CARD14: variants seen among roughly 807,000 people sequenced by gnomAD.
CARD14 encodes caspase recruitment domain family member 14, also known as caspase recruitment domain-containing protein 14.
A neutral mutation model predicts 111.5 loss-of-function variants in CARD14; 107 were observed. That is an observed-to-expected ratio of 0.96 (90% CI 0.82 to 1.13). The LOEUF is 1.13. CARD14 is among the 50% of genes most tolerant of loss of function. CARD14 has a pLI of 0.00. For missense variants in CARD14, 1,322 were observed against 1,362.3 expected (o/e 0.97, Z 0.47); for synonymous variants, 617 against 579.6 (o/e 1.06, Z -0.93).
intron 7 of CARD14, among the ~76,000 whole-genome samples, chr17:80,186,590 C>T (rs2144214297): frequency 6.6e-6 from 1 of 152,170 alleles, no homozygotes; most frequent in African/African-American, 2.4e-5. Context: ...CACTCGCTTC[C>T]CAAGCTGGAG....
At position 80,208,507 on chromosome 17, in the gene CARD14, G is replaced by C. The variant is rs1449730700; in HGVS notation, c.*162G>C. On this transcript the variant is annotated 3_prime_UTR_variant, in exon 24 of 24. Coordinates refer to ENST00000648509, the MANE Select transcript of CARD14 (RefSeq NM_001366385.1). Reference sequence around the variant, plus strand: ...TAACCTTGAACCCTCACCACGTGCAGGTCACACACAGTGAAGCCACTTGTA... The same window carrying C: ...TAACCTTGAACCCTCACCACGTGCACGTCACACACAGTGAAGCCACTTGTA... 1 of 599,394 alleles carries C rather than the reference G, an allele frequency of 1.7e-6. No individual in the cohort carries two copies. The highest frequency in any genetic ancestry group is 2.8e-6 in the Non-Finnish European group (1 of 352,576). 37.1% of individuals were successfully genotyped at this position (599,394 alleles called of 1,614,324 possible).
At chr17:80,172,642 C>G (rs983991357) in intron 1 of CARD14, among the ~76,000 whole-genome samples, 3 of 152,088 alleles carry the variant, frequency 2.0e-5, no homozygotes, top group Non-Finnish European at 2.9e-5. Context: ...CATGATGCCC[C>G]CTAAACCGAG....
At chr17:80,178,437 C>G (rs538591560) in intron 2 of CARD14, 71 bp from the exon 3 acceptor site, 1 of 152,184 alleles carries the variant, frequency 6.6e-6, no homozygotes, top group Admixed American at 6.5e-5. Context: ...TGTGACCGAA[C>G]CTTGAGTTTT....
chr17:80,178,628 T>G lies in CARD14; in HGVS notation c.-246T>G, dbSNP rs2040080860. 1 of 152,304 alleles carries G rather than the reference T, an allele frequency of 6.6e-6. No individual in the cohort carries two copies. The highest frequency in any genetic ancestry group is 1.5e-5 in the Non-Finnish European group (1 of 68,120). 9.4% of individuals were successfully genotyped at this position (152,304 alleles called of 1,614,324 possible). On this transcript the variant is annotated 5_prime_UTR_variant, in exon 3 of 24. Transcript: ENST00000648509. Reference sequence around the variant, plus strand: ...TGGACCCCACCCTGCTGCACGGAGCTCCTGCAAAAGCAAACCTGAGAACCT... The same window carrying G: ...TGGACCCCACCCTGCTGCACGGAGCGCCTGCAAAAGCAAACCTGAGAACCT...
At chr17:80,204,945 A>C in intron 20 of CARD14, 90 bp from the exon 21 acceptor site, 24 of 1,149,096 alleles carry the variant, frequency 2.1e-5, no homozygotes, top group Non-Finnish European at 2.2e-5. Flanking sequence ...TGCTGCAGTG[A>C]GCAAAGCAGA....
chr17:80,205,454 C>T (rs1379267435), intron 21 of CARD14, 77 bp from the exon 22 acceptor site: 25 of 1,535,940 alleles, frequency 1.6e-5, no homozygotes, highest in Non-Finnish European at 2.2e-5. Flanking sequence ...TTCACGGGGA[C>T]AGGGGTGTTT....
intron 9 of CARD14, among the ~76,000 whole-genome samples, 158 bp from the exon 10 acceptor site, chr17:80,190,612 CAAAA>C (rs368094768): frequency 1.5e-5 from 2 of 134,486 alleles, no homozygotes; most frequent in African/African-American, 2.8e-5. Context: ...GTCTCTGTCT[CAAAA>C]AAAAAAAAAA....
At chr17:80,206,385 G>A (rs944046398) in intron 22 of CARD14, among the ~76,000 whole-genome samples, 24 of 152,258 alleles carry the variant, frequency 1.6e-4, no homozygotes, top group African/African-American at 5.1e-4. Flanking sequence ...AGGCCTAGGC[G>A]GGAAGATTGC....
chr17:80,189,279 G>T lies in CARD14; in HGVS notation c.844-474G>T, dbSNP rs1459440220. The stretch of plus-strand genomic sequence containing the variant: ...AGCAGTGAGTGAGCAACGACCCTTG[G>T]CGTCTCCTCCTCGGCCCCTCTCAGT... On this transcript the variant is annotated intron_variant, in intron 8 of 23. Coordinates refer to ENST00000648509, the MANE Select transcript of CARD14 (RefSeq NM_001366385.1). This position sits in a 1 kb window ranked among gnomAD's most constrained non-coding sequence, Gnocchi z 4.7. Among the ~76,000 whole-genome samples, 9 of 152,288 alleles carry T rather than the reference G, an allele frequency of 5.9e-5. No homozygotes were observed. Among genetic ancestry groups the T allele is most frequent in the East Asian group, 3.9e-4 (2 of 5,178 alleles).
In CARD14 at chr17:80,205,625, C is replaced by T; in HGVS notation, c.2664C>T (p.Arg888=). ...EVSGGRCWVT[R]HAVESLMEKN... is the part of the protein sequence containing the mutation. ...CCGGGGGCCGCTGCTGGGTGACCCG[C>T]CATGCTGTGGAGTCCCTCATGGAAA... The change falls in exon 22 of 24, where the codon CGC becomes CGT. Residue 888 remains arginine (R), a synonymous_variant. Transcript: ENST00000648509. 1 of 1,567,958 alleles carries T rather than the reference C, an allele frequency of 6.4e-7. No homozygotes were observed. Among genetic ancestry groups the T allele is most frequent in the Non-Finnish European group, 8.7e-7 (1 of 1,155,922 alleles).
At chr17:80,175,282 A>G (rs1262618776) in intron 2 of CARD14, among the ~76,000 whole-genome samples, 1 of 151,906 alleles carries the variant, frequency 6.6e-6, no homozygotes, top group African/African-American at 2.4e-5. Flanking sequence ...CCGGCCTGCT[A>G]TTTTTCAGTT....
In CARD14 at chr17:80,195,151, C is replaced by T. The variant is rs1207815360; in HGVS notation, c.1357-40C>T. 1 of 1,563,600 alleles carries T rather than the reference C, an allele frequency of 6.4e-7. No individual in the cohort carries two copies. On this transcript the variant is annotated intron_variant, in intron 12 of 23. Coordinates refer to ENST00000648509, the MANE Select transcript of CARD14 (RefSeq NM_001366385.1). This position sits in a 1 kb window ranked among gnomAD's most constrained non-coding sequence, Gnocchi z 4.7. ...AGCAAGGGAGGAGTCTCAGGGTGTC[C>T]TCGTGCGTGCCCCACTGACTTCTGC...
intron 21 of CARD14, 127 bp downstream of exon 21, chr17:80,205,332 CCTG>C: frequency 1.7e-6 from 2 of 1,156,068 alleles, no homozygotes; most frequent in Non-Finnish European, 2.4e-6. Context: ...CCCACACTCA[CCTG>C]CTGTGTCCAG....
At chr17:80,199,179 T>C (rs1262272493) in intron 16 of CARD14, among the ~76,000 whole-genome samples, 1 of 152,100 alleles carries the variant, frequency 6.6e-6, no homozygotes, top group Non-Finnish European at 1.5e-5. Context: ...ACAAAACTGC[T>C]GAGAAGATAA....
In CARD14 at chr17:80,184,045, G is replaced by T; in HGVS notation, c.482G>T (p.Gly161Val). The T allele has an allele frequency of 1.3e-6, 2 of 1,587,966 alleles. No individual in the cohort carries two copies. The highest frequency in any genetic ancestry group is 1.1e-5 in the South Asian group (1 of 87,260). Residue 161 changes from glycine (G) to valine (V), a missense_variant, in exon 7 of 24, where the codon GGC becomes GTC. Coordinates refer to ENST00000648509, the MANE Select transcript of CARD14 (RefSeq NM_001366385.1). ...RRCQQLQEHL[G>V]LAETRAEGLH... is the part of the protein sequence containing the mutation. ...TGCCAGCAGCTGCAGGAGCACCTGG[G>T]CCTGGCCGAGACCCGTGCCGAGGGC...
At chr17:80,190,982 C>T in intron 10 of CARD14, 83 bp downstream of exon 10, 2 of 1,537,024 alleles carry the variant, frequency 1.3e-6, no homozygotes, top group Non-Finnish European at 1.8e-6. Context: ...TCTCGTGGCT[C>T]CCTGCCCTTG....
Position 80,195,154 on chromosome 17 carries a change from G to C in CARD14, c.1357-37G>C, listed in dbSNP as rs758287781. The C allele has an allele frequency of 1.3e-6, 2 of 1,567,364 alleles. No individual in the cohort carries two copies. The highest frequency in any genetic ancestry group is 1.3e-5 in the African/African-American group (1 of 74,218). On this transcript the variant is annotated intron_variant, in intron 12 of 23. Coordinates refer to ENST00000648509, the MANE Select transcript of CARD14 (RefSeq NM_001366385.1). The surrounding 1 kb of genome is among the most constrained non-coding windows in gnomAD (Gnocchi z 4.7). ...AAGGGAGGAGTCTCAGGGTGTCCTCGTGCGTGCCCCACTGACTTCTGCCCT... is the reference window on the plus strand; with the variant it reads ...AAGGGAGGAGTCTCAGGGTGTCCTCCTGCGTGCCCCACTGACTTCTGCCCT...
chr17:80,206,520 C>T (rs1422981544), intron 22 of CARD14, among the ~76,000 whole-genome samples: 3 of 152,230 alleles, frequency 2.0e-5, no homozygotes, highest in Non-Finnish European at 1.5e-5. Flanking sequence ...AATCCCAGCA[C>T]TTTGGGAGGC....
At chr17:80,205,472 G>A in intron 21 of CARD14, 59 bp from the exon 22 acceptor site, 1 of 1,555,904 alleles carries the variant, frequency 6.4e-7, no homozygotes. Context: ...TTTACCATGG[G>A]ACTCCCCCAG....
Sources: gnomAD v4.1 joint callset for allele counts (sites outside exome capture counted in the v4.1 genomes callset) on GRCh38, gnomAD v4.1.1 for gene constraint, Gnocchi (gnomAD v3.1) non-coding constraint, MANE v1.5 for transcripts, NCBI Gene and HGNC (gene_info 2026-07-23, HGNC 2026-07-21) for gene names.